The following KSR2 variants were observed in gnomAD, a reference collection of about 807,000 sequenced individuals.
KSR2 encodes kinase suppressor of ras 2.
Under a neutral mutation model 107.8 loss-of-function variants are expected in KSR2, and 25 were observed. The observed-to-expected ratio is 0.23, with a 90% CI of 0.17 to 0.32. KSR2 has a LOEUF of 0.32. Ranked by LOEUF, KSR2 falls within the 10% of genes least tolerant of loss-of-function variation. The probability of loss-of-function intolerance (pLI) is 1.00; values close to 1 mark genes in which losing one functional copy is unlikely to be tolerated. For missense variants in KSR2, 887 were observed against 1,268.9 expected, an observed-to-expected ratio of 0.70 and a Z score of 4.57; for synonymous variants, 480 against 507.0, an observed-to-expected ratio of 0.95 and a Z score of 0.71.
rs1192015303 is a variant in KSR2 at position 117,842,918 on chromosome 12, A to C, written c.472+12510T>G. ...AGGAAAACATCCTGCCCCTCCCTCC[A>C]CCCCTGCCTTAGTGGGGACCAGTCA... On this transcript the variant is annotated intron_variant, in intron 3 of 19. Transcript: ENST00000339824. This position sits in a 1 kb window ranked among gnomAD's most constrained non-coding sequence, Gnocchi z 4.2. Among the ~76,000 whole-genome samples, 1 of 151,912 alleles carries C rather than the reference A, an allele frequency of 6.6e-6. No homozygotes were observed. The highest frequency in any genetic ancestry group is 1.5e-5 in the Non-Finnish European group (1 of 67,978).
At chr12:117,777,696 C>T (rs539010178) in intron 3 of KSR2, among the ~76,000 whole-genome samples, 2 of 152,328 alleles carry the variant, frequency 1.3e-5, no homozygotes, top group South Asian at 4.1e-4. Flanking sequence ...CTGGACTCAC[C>T]TTCTCACTAC....
chr12:117,611,021 C>T (rs1881566592), intron 5 of KSR2, among the ~76,000 whole-genome samples: 1 of 152,132 alleles, frequency 6.6e-6, no homozygotes. Flanking sequence ...ATGATTTGTA[C>T]AGGCTGCATA....
At chr12:117,478,722 T>C (rs991960656) in intron 16 of KSR2, among the ~76,000 whole-genome samples, 19 of 152,132 alleles carry the variant, frequency 1.2e-4, no homozygotes, top group African/African-American at 3.9e-4. Flanking sequence ...CCCAAAGTAT[T>C]GAGATTATAG....
At chr12:117,688,897 C>T (rs1885698661) in intron 4 of KSR2, among the ~76,000 whole-genome samples, 1 of 151,994 alleles carries the variant, frequency 6.6e-6, no homozygotes, top group Admixed American at 6.6e-5. Context: ...TTTAGCAGAT[C>T]TCCTTCTTTC....
chr12:117,714,438 C>T (rs1049093222), intron 4 of KSR2, among the ~76,000 whole-genome samples: 18 of 151,826 alleles, frequency 1.2e-4, no homozygotes, highest in African/African-American at 4.1e-4. Context: ...GGAATAAGAG[C>T]GAAAAGGAAG....
intron 1 of KSR2, among the ~76,000 whole-genome samples, chr12:117,925,437 A>G (rs1483886677): frequency 2.0e-5 from 3 of 152,160 alleles, no homozygotes; most frequent in Non-Finnish European, 4.4e-5. Flanking sequence ...ATTTTCTTTT[A>G]TATTTAAATT....
At chr12:117,674,307 G>C (rs1273984362) in intron 4 of KSR2, 1 of 508,770 alleles carries the variant, frequency 2.0e-6, no homozygotes, top group African/African-American at 1.9e-5. Context: ...CCTCCTCGCT[G>C]GAATCGCAGA....
chr12:117,560,730 G>C (rs1269901925), intron 7 of KSR2, among the ~76,000 whole-genome samples: 1 of 152,202 alleles, frequency 6.6e-6, no homozygotes, highest in African/African-American at 2.4e-5. Context: ...TCATGAGGGT[G>C]GATCCTTCAC....
intron 7 of KSR2, among the ~76,000 whole-genome samples, chr12:117,578,128 A>C (rs949741327): frequency 6.6e-6 from 1 of 152,114 alleles, no homozygotes; most frequent in African/African-American, 2.4e-5. Flanking sequence ...CTCCAGACCA[A>C]TATGATACTA....
intron 1 of KSR2, among the ~76,000 whole-genome samples, chr12:117,892,569 A>T (rs907315870): frequency 6.6e-6 from 1 of 152,100 alleles, no homozygotes; most frequent in Non-Finnish European, 1.5e-5. Flanking sequence ...TCAGCAAACT[A>T]CTGCCCAGAG....
At chr12:117,658,362 G>A (rs1427541555) in intron 5 of KSR2, among the ~76,000 whole-genome samples, 1 of 152,212 alleles carries the variant, frequency 6.6e-6, no homozygotes, top group Non-Finnish European at 1.5e-5. Context: ...GGACAAGGGT[G>A]GTGATGATGG....
At chr12:117,642,691 T>G (rs912310338) in intron 5 of KSR2, among the ~76,000 whole-genome samples, 1 of 152,238 alleles carries the variant, frequency 6.6e-6, no homozygotes, top group Non-Finnish European at 1.5e-5. Flanking sequence ...GTGGACCTTT[T>G]TCATTAATCA....
intron 3 of KSR2, among the ~76,000 whole-genome samples, chr12:117,833,583 G>C (rs1021878386): frequency 6.6e-6 from 1 of 152,020 alleles, no homozygotes; most frequent in Non-Finnish European, 1.5e-5. Context: ...GGCTAGTCTT[G>C]AACTTCAGCC....
At chr12:117,936,530 TTATTAGTAGTAG>T (rs200842860) in intron 1 of KSR2, among the ~76,000 whole-genome samples, 3,609 of 115,136 alleles carry the variant, frequency 0.031, 67 homozygotes, top group East Asian at 0.15. Context: ...ATTATTATTA[TTATTAGTAGTAG>T]TAGTAGTAGT....
At chr12:117,718,111 T>A (rs764169687) in intron 4 of KSR2, among the ~76,000 whole-genome samples, 1 of 152,202 alleles carries the variant, frequency 6.6e-6, no homozygotes, top group Non-Finnish European at 1.5e-5. Flanking sequence ...TTTAAACACT[T>A]AGAAAGAGAT....
At chr12:117,740,117 A>G (rs1323175753) in intron 4 of KSR2, among the ~76,000 whole-genome samples, 1 of 148,986 alleles carries the variant, frequency 6.7e-6, no homozygotes, top group African/African-American at 2.5e-5. Context: ...AGTTCATTGT[A>G]TCATTCTTAT....
chr12:117,634,869 C>A (rs1032279871), intron 5 of KSR2, among the ~76,000 whole-genome samples: 1 of 152,282 alleles, frequency 6.6e-6, no homozygotes, highest in East Asian at 1.9e-4. Context: ...CCTCTGGCCA[C>A]CCCAAAGATG....
rs1442274818 is a variant in KSR2, at chr12:117,635,343, T to G, written c.1171+32131A>C. Among the ~76,000 whole-genome samples, 3 of 152,206 alleles carry G rather than the reference T, an allele frequency of 2.0e-5. No homozygotes were observed. In the East Asian group the frequency reaches 5.8e-4, roughly 29 times the overall value. On this transcript the variant is annotated intron_variant, in intron 5 of 19. Transcript: ENST00000339824. ...GAAGTGATTAAAACTAAGAGCAAAC[T>G]AAAAGAGATGAATAACCTAGAAGTT...
intron 1 of KSR2, among the ~76,000 whole-genome samples, chr12:117,863,800 C>A (rs1257580915): frequency 6.6e-6 from 1 of 152,104 alleles, no homozygotes; most frequent in Admixed American, 6.5e-5. Flanking sequence ...CTTCCCTTTT[C>A]GGTGATCAGA....
Sources: allele counts gnomAD v4.1 joint callset (sites outside exome capture counted in the v4.1 genomes callset), GRCh38; gene constraint gnomAD v4.1.1; non-coding constraint Gnocchi (gnomAD v3.1); transcripts MANE v1.5; gene names NCBI Gene and HGNC (gene_info 2026-07-23, HGNC 2026-07-21).